The following ABCC8 variants were observed in gnomAD, a reference collection of about 807,000 sequenced individuals.
ABCC8 encodes ATP-binding cassette sub-family C member 8.
In ABCC8, 137 loss-of-function variants were observed where a neutral mutation model predicts 188.0. The observed-to-expected ratio is 0.73, with a 90% CI of 0.63 to 0.84. ABCC8 has a LOEUF of 0.84. Ranked by LOEUF, ABCC8 falls within the 40% of genes least tolerant of loss-of-function variation. The pLI, the probability that ABCC8 is intolerant of heterozygous loss-of-function variation, is 0.00. For synonymous variants in ABCC8, 797 were observed against 846.5 expected, an observed-to-expected ratio of 0.94 and a Z score of 1.01; for missense variants, 1,750 against 2,072.7, an observed-to-expected ratio of 0.84 and a Z score of 3.02.
chr11:17,400,194 G>A (rs1202078442), intron 29 of ABCC8, among the ~76,000 whole-genome samples: 1 of 152,196 alleles, frequency 6.6e-6, no homozygotes. Flanking sequence ...CTGAAGGGAG[G>A]TTCTGAGGTG....
intron 10 of ABCC8, among the ~76,000 whole-genome samples, chr11:17,432,709 C>T (rs1434789793): frequency 6.6e-6 from 1 of 152,216 alleles, no homozygotes; most frequent in African/African-American, 2.4e-5. Context: ...CAAACTCATT[C>T]TCACTGAGGT....
intron 26 of ABCC8, 85 bp downstream of exon 26, chr11:17,406,537 T>A: frequency 7.2e-7 from 1 of 1,392,346 alleles, no homozygotes; most frequent in Non-Finnish European, 9.9e-7. Flanking sequence ...ACAGGTTGTA[T>A]ATCCCCATTT....
Position 17,476,833 on chromosome 11 carries a change from C to T in ABCC8, c.-57G>A, listed in dbSNP as rs766269910. 1.4e-6 allele frequency: 2 copies of T among 1,436,264 alleles called. No individual in the cohort carries two copies. Among genetic ancestry groups the T allele is most frequent in the Non-Finnish European group, 9.1e-7 (1 of 1,097,840 alleles). The allele number at this position is 1,436,264 out of a possible 1,614,324, so 89.0% of individuals were successfully genotyped here. ...AGCTGGCTCCGCTGGCTCCGCGCGC[C>T]TGCCGCGCCTCTGTCCCTTGCAGCT... On this transcript the variant is annotated 5_prime_UTR_variant, in exon 1 of 39. Coordinates refer to ENST00000389817, the MANE Select transcript of ABCC8 (RefSeq NM_000352.6).
In ABCC8 at chr11:17,414,498, C is replaced by T. The variant is rs771352914; in HGVS notation, c.2390+14G>A. On this transcript the variant is annotated intron_variant, in intron 19 of 38. Coordinates refer to ENST00000389817, the MANE Select transcript of ABCC8 (RefSeq NM_000352.6). Reference sequence around the variant, plus strand: ...CTCCCCTCCACATCCTGCCTCCCTCCGACAGGCTTTTACCGTTGTTTGTTG... The same window carrying T: ...CTCCCCTCCACATCCTGCCTCCCTCTGACAGGCTTTTACCGTTGTTTGTTG... 9.3e-6 allele frequency: 15 copies of T among 1,613,990 alleles called. No homozygotes were observed. The highest frequency in any genetic ancestry group is 2.2e-5 in the South Asian group (2 of 91,082).
rs17846731 is a variant in ABCC8 at position 17,428,677 on chromosome 11, G to A, written c.1818-7C>T. On this transcript the variant is annotated splice_region_variant and splice_polypyrimidine_tract_variant and intron_variant, in intron 12 of 38. Coordinates refer to ENST00000389817, the MANE Select transcript of ABCC8 (RefSeq NM_000352.6). ...CTCGCTTAGCTTTTGCACGCTGCTC[G>A]GGAAGCACAGAGACACCCCTCACCC... is the stretch of plus-strand genomic sequence containing the variant. 43 of 1,611,584 alleles carry A rather than the reference G, an allele frequency of 2.7e-5. 2 individuals carry two copies. In the East Asian group the frequency reaches 5.6e-4, roughly 21 times the overall value.
chr11:17,396,682 C>T (rs1439243446), intron 33 of ABCC8: 2 of 576,286 alleles, frequency 3.5e-6, no homozygotes, highest in African/African-American at 3.8e-5. Flanking sequence ...GAGTGTCGGT[C>T]TCCTTGGTGG....
intron 22 of ABCC8, among the ~76,000 whole-genome samples, chr11:17,409,759 T>G (rs907976498): frequency 1.1e-4 from 16 of 152,216 alleles, no homozygotes; most frequent in Non-Finnish European, 2.4e-4. Flanking sequence ...TCTTAAAAAT[T>G]AAGTGCTTTC....
chr11:17,397,628 T>G (rs1485805854), intron 31 of ABCC8, 56 bp downstream of exon 31: 5 of 1,577,536 alleles, frequency 3.2e-6, no homozygotes, highest in African/African-American at 2.7e-5. Flanking sequence ...GTGACGAAGG[T>G]GCTCCGGGAG....
At chr11:17,411,461 A>G (rs575184945) in intron 21 of ABCC8, among the ~76,000 whole-genome samples, 110 of 152,368 alleles carry the variant, frequency 7.2e-4, no homozygotes, top group African/African-American at 2.6e-3. Flanking sequence ...GTCAGACGGT[A>G]ACGGAGACTG....
chr11:17,461,897 G>T (rs1957208005), intron 4 of ABCC8, 72 bp from the exon 5 acceptor site: 4 of 1,601,570 alleles, frequency 2.5e-6, no homozygotes, highest in Non-Finnish European at 3.4e-6. Context: ...CCCCAGCAAG[G>T]ATCTGGGGTT....
intron 11 of ABCC8, 104 bp downstream of exon 11, chr11:17,432,100 C>A (rs974006056): frequency 7.7e-6 from 11 of 1,433,246 alleles, no homozygotes; most frequent in Non-Finnish European, 1.1e-5. Context: ...TGGAGCCTGT[C>A]TTCTGAGGCC....
intron 2 of ABCC8, among the ~76,000 whole-genome samples, chr11:17,474,098 G>A (rs950033417): frequency 9.2e-5 from 14 of 152,002 alleles, no homozygotes; most frequent in Admixed American, 2.0e-4. Context: ...TCCAGACTCC[G>A]CTCCAAAGCC....
chr11:17,400,693 C>T (rs1226592827), intron 29 of ABCC8, among the ~76,000 whole-genome samples: 1 of 152,186 alleles, frequency 6.6e-6, no homozygotes, highest in Non-Finnish European at 1.5e-5. Context: ...GTCAGGCAAA[C>T]CTGGGTTCCA....
intron 8 of ABCC8, 91 bp from the exon 9 acceptor site, chr11:17,443,403 G>C (rs1255868273): frequency 6.2e-7 from 1 of 1,604,464 alleles, no homozygotes; most frequent in Non-Finnish European, 8.5e-7. Context: ...CAGTCCCCTA[G>C]AGTGGGACAA....
rs773899806 is a variant in ABCC8, at chr11:17,427,107, G to A, written c.2164C>T (p.Leu722Phe). ...ATCTCCCCCAGTGCGGCTAGAAGGA[G>A]CGAGGACTTGCCGCAGCCCACCTGC... The part of the protein sequence containing the change: ...VGQVGCGKSS[L>F]LLAALGEMQK... The change falls in exon 16 of 39, where the codon CTC becomes TTC. Residue 722 changes from leucine (L) to phenylalanine (F), a missense_variant. Leu to Phe is a conservative substitution (Grantham distance 22). Coordinates refer to ENST00000389817, the MANE Select transcript of ABCC8 (RefSeq NM_000352.6). The surrounding 1 kb of genome is among the most constrained non-coding windows in gnomAD (Gnocchi z 5.0). 1.6e-5 allele frequency: 26 copies of A among 1,613,966 alleles called. 1 individual carries two copies. The South Asian group carries it at 2.4e-4, about 15-fold the overall frequency.
In ABCC8 at chr11:17,448,670, G is replaced by A. The variant is rs377104807; in HGVS notation, c.1178C>T (p.Thr393Ile). The A allele has an allele frequency of 2.5e-6, 4 of 1,614,146 alleles. No individual in the cohort carries two copies. The highest frequency in any genetic ancestry group is 1.1e-5 in the South Asian group (1 of 91,082). ...TGINLRGAIQ[T>I]KIYNKIMHLS... ...GTGCATAATTTTATTGTAAATCTTG[G>A]TCTAGAAATGAGAGCAGAGTGTTTC... is the stretch of plus-strand genomic sequence containing the variant. Residue 393 changes from threonine (T) to isoleucine (I), a missense_variant and splice_region_variant, in exon 8 of 39, where the codon ACC (threonine) becomes ATC (isoleucine). Transcript: ENST00000389817.
At chr11:17,408,252 C>T in intron 23 of ABCC8, 140 bp downstream of exon 23, 1 of 795,438 alleles carries the variant, frequency 1.3e-6, no homozygotes, top group Non-Finnish European at 2.0e-6. Flanking sequence ...CTGGTAGGAG[C>T]CAGTTCATGC....
chr11:17,461,889 C>T, intron 4 of ABCC8, 64 bp from the exon 5 acceptor site: 1 of 1,606,640 alleles, frequency 6.2e-7, no homozygotes, highest in Non-Finnish European at 8.5e-7. Flanking sequence ...CTACCTTGCC[C>T]CAGCAAGGAT....
intron 19 of ABCC8, 198 bp from the exon 20 acceptor site, chr11:17,413,676 G>T: frequency 9.7e-7 from 1 of 1,029,964 alleles, no homozygotes; most frequent in Non-Finnish European, 1.4e-6. Context: ...CGTTTGGGCA[G>T]GTTAAATACT....
Sources: allele counts gnomAD v4.1 joint callset (sites outside exome capture counted in the v4.1 genomes callset), GRCh38; gene constraint gnomAD v4.1.1; non-coding constraint Gnocchi (gnomAD v3.1); transcripts MANE v1.5; gene names NCBI Gene and HGNC (gene_info 2026-07-23, HGNC 2026-07-21).